PARD3B: variants seen among roughly 807,000 people sequenced by gnomAD.
The protein encoded by PARD3B is partitioning defective 3 homolog B.
A neutral mutation model predicts 130.2 loss-of-function variants in PARD3B; 103 were observed. The ratio of observed to expected loss-of-function variants is 0.79; its 90% CI spans 0.67 to 0.93. PARD3B has a LOEUF of 0.93. Ranked by LOEUF, PARD3B falls within the 40% of genes least tolerant of loss-of-function variation. The pLI, the probability that PARD3B is intolerant of heterozygous loss-of-function variation, is 0.00. For missense variants in PARD3B, 1,609 were observed against 1,499.2 expected (o/e 1.07, Z -1.21); for synonymous variants, 583 against 553.2 (o/e 1.05, Z -0.76).
intron 1 of PARD3B, among the ~76,000 whole-genome samples, chr2:204,650,001 T>A (rs951082196): frequency 6.6e-6 from 1 of 152,076 alleles, no homozygotes; most frequent in Non-Finnish European, 1.5e-5. Flanking sequence ...GAGAAAATAT[T>A]TGAAAACTAT....
In PARD3B at chr2:205,105,893, A is replaced by G. The variant is rs1356936705; in HGVS notation, c.593+1379A>G. Reference sequence around the variant, plus strand: ...ATGTCTACCTCCAGAAACTAATAAGATTGTTTCTGGAGGTAGACATAATGA... The same window carrying G: ...ATGTCTACCTCCAGAAACTAATAAGGTTGTTTCTGGAGGTAGACATAATGA... On this transcript the variant is annotated intron_variant, in intron 5 of 22. Coordinates refer to ENST00000406610, the MANE Select transcript of PARD3B (RefSeq NM_001302769.2). This position sits in a 1 kb window ranked among gnomAD's most constrained non-coding sequence, Gnocchi z 4.0. Among the ~76,000 whole-genome samples, 2 of 151,610 alleles carry G rather than the reference A, an allele frequency of 1.3e-5. No individual in the cohort carries two copies. The highest frequency in any genetic ancestry group is 2.9e-5 in the Non-Finnish European group (2 of 67,898).
At chr2:204,585,666 T>C (rs1327907019) in intron 1 of PARD3B, among the ~76,000 whole-genome samples, 1 of 152,062 alleles carries the variant, frequency 6.6e-6, no homozygotes, top group Non-Finnish European at 1.5e-5. Context: ...ATTTCTTATA[T>C]TCCTTTTCAT....
chr2:205,408,966 C>G (rs1200166521), intron 19 of PARD3B, among the ~76,000 whole-genome samples: 2 of 151,968 alleles, frequency 1.3e-5, no homozygotes, highest in Non-Finnish European at 2.9e-5. Context: ...ATTTATGGCT[C>G]CCTTAAAATG....
intron 15 of PARD3B, among the ~76,000 whole-genome samples, chr2:205,222,741 T>C (rs765785008): frequency 6.6e-6 from 1 of 152,142 alleles, no homozygotes; most frequent in Non-Finnish European, 1.5e-5. Flanking sequence ...CTGAGAATCA[T>C]GAAAGCTTTT....
intron 2 of PARD3B, among the ~76,000 whole-genome samples, chr2:204,692,910 C>T (rs559904184): frequency 3.9e-5 from 6 of 152,138 alleles, no homozygotes; most frequent in African/African-American, 7.2e-5. Flanking sequence ...ATATCCTACC[C>T]AGGAAGAGGT....
In PARD3B at chr2:205,351,513, G is replaced by A. The variant is rs1341849677; in HGVS notation, c.2631-49500G>A. Among the ~76,000 whole-genome samples, 1 of 152,140 alleles carries A rather than the reference G, an allele frequency of 6.6e-6. No homozygotes were observed. Among genetic ancestry groups the A allele is most frequent in the Non-Finnish European group, 1.5e-5 (1 of 68,042 alleles). On this transcript the variant is annotated intron_variant, in intron 18 of 22. Transcript: ENST00000406610. This position sits in a 1 kb window ranked among gnomAD's most constrained non-coding sequence, Gnocchi z 4.2. ...GGTAGCATAAGCAATTTGGGCTGGAGTGAGAGGCGAGGAAGAAAGCCACAG... is the reference window on the plus strand; with the variant it reads ...GGTAGCATAAGCAATTTGGGCTGGAATGAGAGGCGAGGAAGAAAGCCACAG...
In PARD3B at chr2:205,351,128, T is replaced by C. The variant is rs2043981281; in HGVS notation, c.2630+49427T>C. On this transcript the variant is annotated intron_variant, in intron 18 of 22. Transcript: ENST00000406610. This position sits in a 1 kb window ranked among gnomAD's most constrained non-coding sequence, Gnocchi z 4.2. ...ATTTTTTCAAAAGGTGAATATTTTC[T>C]GGAATAAAATACAGAGTTGAAGTGA... 6.6e-6 allele frequency among the ~76,000 whole-genome samples: 1 copy of C among 152,214 alleles called. No homozygotes were observed. Among genetic ancestry groups the C allele is most frequent in the South Asian group, 2.1e-4 (1 of 4,822 alleles).
intron 2 of PARD3B, among the ~76,000 whole-genome samples, chr2:204,770,911 C>G (rs2041343595): frequency 6.6e-6 from 1 of 152,062 alleles, no homozygotes; most frequent in Admixed American, 6.6e-5. Context: ...TGGCAAACAG[C>G]AGCCTGAGCT....
In PARD3B at chr2:205,389,670, G is replaced by A. The variant is rs796736550; in HGVS notation, c.2631-11343G>A. 6.6e-5 allele frequency among the ~76,000 whole-genome samples: 10 copies of A among 152,194 alleles called. No individual in the cohort carries two copies. The East Asian group carries it at 1.5e-3, about 23-fold the overall frequency. On this transcript the variant is annotated intron_variant, in intron 18 of 22. Coordinates refer to ENST00000406610, the MANE Select transcript of PARD3B (RefSeq NM_001302769.2). Reference sequence around the variant, plus strand: ...GTTATTTAAAATTCTCTTAATGGTAGGATGCAATCTAATGTCAAAGATGTG... The same window carrying A: ...GTTATTTAAAATTCTCTTAATGGTAAGATGCAATCTAATGTCAAAGATGTG...
rs958147696 is a variant in PARD3B, at chr2:204,678,415, C to T, written c.121-7766C>T. ...ACCCTGCCCTCTTGGTACCCGGGTTCTTGTCTGGCATCCAGGAAGAATCAG... is the reference window on the plus strand; with the variant it reads ...ACCCTGCCCTCTTGGTACCCGGGTTTTTGTCTGGCATCCAGGAAGAATCAG... On this transcript the variant is annotated intron_variant, in intron 1 of 22. Transcript: ENST00000406610. This position sits in a 1 kb window ranked among gnomAD's most constrained non-coding sequence, Gnocchi z 4.2. 2.6e-5 allele frequency among the ~76,000 whole-genome samples: 4 copies of T among 152,052 alleles called. No individual in the cohort carries two copies. Among genetic ancestry groups the T allele is most frequent in the Non-Finnish European group, 5.9e-5 (4 of 68,006 alleles).
chr2:205,006,943 A>G (rs1167178601), intron 3 of PARD3B, among the ~76,000 whole-genome samples: 3 of 152,128 alleles, frequency 2.0e-5, no homozygotes, highest in Non-Finnish European at 4.4e-5. Context: ...TTATGGTTTT[A>G]TGTCTTAGAT....
At chr2:205,430,376 A>C (rs942940371) in intron 19 of PARD3B, among the ~76,000 whole-genome samples, 1 of 152,184 alleles carries the variant, frequency 6.6e-6, no homozygotes, top group South Asian at 2.1e-4. Flanking sequence ...AAAAATGTTG[A>C]ATCTAACTAA....
intron 16 of PARD3B, among the ~76,000 whole-genome samples, chr2:205,284,103 A>G (rs904096139): frequency 6.6e-6 from 1 of 152,242 alleles, no homozygotes; most frequent in Non-Finnish European, 1.5e-5. Flanking sequence ...AAGAGACAGG[A>G]TTAGCTGTAC....
In PARD3B at chr2:205,176,502, G is replaced by C. The variant is rs1407692601; in HGVS notation, c.1849G>C (p.Val617Leu). 1.9e-6 allele frequency: 3 copies of C among 1,612,836 alleles called. No individual in the cohort carries two copies. The Admixed American group carries it at 5.0e-5, about 27-fold the overall frequency. The change falls in exon 13 of 23, where the codon GTA (valine) becomes CTA (leucine). Residue 617 changes from valine to leucine, a missense_variant. Val to Leu is a conservative substitution (Grantham distance 32, BLOSUM62 1). Coordinates refer to ENST00000406610, the MANE Select transcript of PARD3B (RefSeq NM_001302769.2). The surrounding 1 kb of genome is among the most constrained non-coding windows in gnomAD (Gnocchi z 5.3). ...ATGCTTTGAGAACTGTCAAAATGCT[G>C]TAACCACCTCTAGGCGAAATGATAA... ...KPCFENCQNA[V>L]TTSRRNDNSI...
intron 21 of PARD3B, among the ~76,000 whole-genome samples, chr2:205,518,686 T>A (rs530810566): frequency 1.3e-5 from 2 of 152,318 alleles, no homozygotes; most frequent in South Asian, 4.1e-4. Context: ...CTGGTCTGTA[T>A]GTTTAAGTGT....
chr2:204,998,396 GTATATA>G lies in PARD3B; in HGVS notation c.394+33075_394+33080del, dbSNP rs1350538784. ...TGTGTATATATGTGTGTGTATATAT[GTATATA>G]TGTGTATATATATGTATATATGTGT... On this transcript the variant is annotated intron_variant, in intron 3 of 22. Coordinates refer to ENST00000406610, the MANE Select transcript of PARD3B (RefSeq NM_001302769.2). Among the ~76,000 whole-genome samples the G allele has an allele frequency of 1.6e-3, 95 of 59,042 alleles. 13 individuals carry two copies. Among genetic ancestry groups the G allele is most frequent in the African/African-American group, 7.5e-3 (89 of 11,858 alleles). The allele number at this position is 59,042 out of a possible 152,430, so 38.7% of individuals were successfully genotyped here.
chr2:205,389,826 T>C (rs2105973826), intron 18 of PARD3B, among the ~76,000 whole-genome samples: 1 of 152,322 alleles, frequency 6.6e-6, no homozygotes, highest in Non-Finnish European at 1.5e-5. Context: ...ATCATGTTTT[T>C]TATAGAAGAC....
chr2:205,169,992 G>A (rs917081544), intron 11 of PARD3B, among the ~76,000 whole-genome samples: 2 of 149,086 alleles, frequency 1.3e-5, no homozygotes, highest in African/African-American at 5.0e-5. Context: ...GTGCAGTGGC[G>A]CCATCTTGCC....
intron 2 of PARD3B, among the ~76,000 whole-genome samples, chr2:204,781,167 T>G (rs574926608): frequency 6.6e-6 from 1 of 152,124 alleles, no homozygotes; most frequent in African/African-American, 2.4e-5. Context: ...ATGAGCTGCA[T>G]CCCTCTTTCC....
Sources: gnomAD v4.1 joint callset for allele counts (sites outside exome capture counted in the v4.1 genomes callset) on GRCh38, gnomAD v4.1.1 for gene constraint, Gnocchi (gnomAD v3.1) non-coding constraint, MANE v1.5 for transcripts, NCBI Gene and HGNC (gene_info 2026-07-23, HGNC 2026-07-21) for gene names.